KCNQ1: variants seen among roughly 807,000 people sequenced by gnomAD.
The protein encoded by KCNQ1 is potassium voltage-gated channel subfamily Q member 1.
KCNQ1 carries 49 observed loss-of-function variants against 72.4 expected under a neutral mutation model. The observed-to-expected ratio is 0.68, with a 90% confidence interval of 0.54 to 0.86. The LOEUF is 0.86. KCNQ1 is among the 40% of genes least tolerant of loss of function. The pLI is 0.00. For missense variants in KCNQ1, 790 were observed against 945.1 expected (o/e 0.84, Z 2.15); for synonymous variants, 450 against 412.6 (o/e 1.09, Z -1.10).
rs896237116 is a variant in KCNQ1 at position 2,550,583 on chromosome 11, C to G, written c.478-20045C>G. Among the ~76,000 whole-genome samples, 2 of 152,166 alleles carry G rather than the reference C, an allele frequency of 1.3e-5. No individual in the cohort carries two copies. The highest frequency in any genetic ancestry group is 2.4e-5 in the African/African-American group (1 of 41,424). On this transcript the variant is annotated intron_variant, in intron 2 of 15. Transcript: ENST00000155840. The surrounding 1 kb of genome is among the most constrained non-coding windows in gnomAD (Gnocchi z 6.0). ...CCAGGCAGGGTAGGGGAACAAATGCCAACACGTGAGCTGAGTGACCGGAAG... is the reference window on the plus strand; with the variant it reads ...CCAGGCAGGGTAGGGGAACAAATGCGAACACGTGAGCTGAGTGACCGGAAG...
chr11:2,820,399 T>C (rs1847707053), intron 15 of KCNQ1, among the ~76,000 whole-genome samples: 1 of 152,250 alleles, frequency 6.6e-6, no homozygotes, highest in Non-Finnish European at 1.5e-5. Context: ...CTATTTTACA[T>C]CAAGGTACAG....
chr11:2,840,662 CAAA>C (rs1045204047), intron 15 of KCNQ1, among the ~76,000 whole-genome samples: 1 of 151,922 alleles, frequency 6.6e-6, no homozygotes, highest in Non-Finnish European at 1.5e-5. Flanking sequence ...TGTGGCAAAA[CAAA>C]AAAATAATAA....
chr11:2,768,765 C>A lies in KCNQ1; in HGVS notation c.1515-79C>A. On this transcript the variant is annotated intron_variant, in intron 11 of 15. Transcript: ENST00000155840. The surrounding 1 kb of genome is among the most constrained non-coding windows in gnomAD (Gnocchi z 6.7). ...CTGGAAGGATCCAGTCTGCGTGCTC[C>A]TCAGGCAGTGCAGGGGCAGTGAGGG... The A allele has an allele frequency of 9.2e-7, 1 of 1,090,480 alleles. No homozygotes were observed. The highest frequency in any genetic ancestry group is 1.4e-6 in the Non-Finnish European group (1 of 702,534). The allele number at this position is 1,090,480 out of a possible 1,614,324, so 67.6% of individuals were successfully genotyped here. A position where few individuals can be genotyped will look rare whatever the true frequency, so the allele number is the denominator to read the frequency against.
intron 11 of KCNQ1, among the ~76,000 whole-genome samples, chr11:2,702,277 G>A (rs965648581): frequency 8.5e-5 from 13 of 152,294 alleles, no homozygotes; most frequent in Non-Finnish European, 1.0e-4. Context: ...TTTTTCTTTG[G>A]GCCTTTGTTA....
intron 2 of KCNQ1, among the ~76,000 whole-genome samples, chr11:2,548,129 G>T (rs1320854854): frequency 6.6e-6 from 1 of 152,170 alleles, no homozygotes; most frequent in Admixed American, 6.5e-5. Flanking sequence ...ACTGGTAGAG[G>T]CCAGGCCCAG....
rs772957172 is a variant in KCNQ1, at chr11:2,475,153, C to A, written c.386+29669C>A. Among the ~76,000 whole-genome samples the A allele has an allele frequency of 8.5e-5, 13 of 152,148 alleles. No homozygotes were observed. Among genetic ancestry groups the A allele is most frequent in the Non-Finnish European group, 1.9e-4 (13 of 68,028 alleles). On this transcript the variant is annotated intron_variant, in intron 1 of 15. Coordinates refer to ENST00000155840, the MANE Select transcript of KCNQ1 (RefSeq NM_000218.3). The surrounding 1 kb of genome is among the most constrained non-coding windows in gnomAD (Gnocchi z 5.8). ...TTAGCAGTCACCCCTTTCCCCCATG[C>A]CCCCAGCTCCTGACAACCACAAGCC...
At chr11:2,689,863 C>T (rs1850559902) in intron 11 of KCNQ1, 1 of 398,846 alleles carries the variant, frequency 2.5e-6, no homozygotes, top group Non-Finnish European at 4.4e-6. Flanking sequence ...TAGCACCCAC[C>T]CCTGCCTATC....
In KCNQ1 at chr11:2,654,558, C is replaced by T. The variant is rs1214491736; in HGVS notation, c.1394-7403C>T. 8 of 398,334 alleles carry T rather than the reference C, an allele frequency of 2.0e-5. No individual in the cohort carries two copies. Among genetic ancestry groups the T allele is most frequent in the Middle Eastern group, 6.3e-4 (1 of 1,588 alleles). The allele number at this position is 398,334 out of a possible 1,614,324, so 24.7% of individuals were successfully genotyped here. On this transcript the variant is annotated intron_variant, in intron 10 of 15. Transcript: ENST00000155840. This position sits in a 1 kb window ranked among gnomAD's most constrained non-coding sequence, Gnocchi z 6.4. Reference sequence around the variant, plus strand: ...TTGGGTTACACCTGGGAGATTAGGCCGGATTTTAATCAATCAGGAGGGGAA... The same window carrying T: ...TTGGGTTACACCTGGGAGATTAGGCTGGATTTTAATCAATCAGGAGGGGAA...
In KCNQ1 at chr11:2,498,448, C is replaced by A. The variant is rs1846956279; in HGVS notation, c.387-29480C>A. Reference sequence around the variant, plus strand: ...CTGCTTTGCTGTGCTTTGGTGAATTCTGCCCAGTCCAAGCCTCCCAGCCTC... The same window carrying A: ...CTGCTTTGCTGTGCTTTGGTGAATTATGCCCAGTCCAAGCCTCCCAGCCTC... On this transcript the variant is annotated intron_variant, in intron 1 of 15. Coordinates refer to ENST00000155840, the MANE Select transcript of KCNQ1 (RefSeq NM_000218.3). This position sits in a 1 kb window ranked among gnomAD's most constrained non-coding sequence, Gnocchi z 4.8. Among the ~76,000 whole-genome samples, 1 of 152,230 alleles carries A rather than the reference C, an allele frequency of 6.6e-6. No homozygotes were observed. Among genetic ancestry groups the A allele is most frequent in the South Asian group, 2.1e-4 (1 of 4,830 alleles).
chr11:2,680,753 C>T (rs905471991), intron 11 of KCNQ1: 1 of 284,174 alleles, frequency 3.5e-6, no homozygotes, highest in Non-Finnish European at 6.5e-6. Flanking sequence ...TAGCCCCTGA[C>T]AACTACTAAC....
rs1469828657 is a variant in KCNQ1 at position 2,451,151 on chromosome 11, C to G, written c.386+5667C>G. Reference sequence around the variant, plus strand: ...CCGTTCCCCGTAGAGCAGCAGTCCCCAACCTTTTTAGTACCAGAGACCTGT... The same window carrying G: ...CCGTTCCCCGTAGAGCAGCAGTCCCGAACCTTTTTAGTACCAGAGACCTGT... On this transcript the variant is annotated intron_variant, in intron 1 of 15. Transcript: ENST00000155840. This position sits in a 1 kb window ranked among gnomAD's most constrained non-coding sequence, Gnocchi z 6.4. 6.6e-6 allele frequency among the ~76,000 whole-genome samples: 1 copy of G among 152,170 alleles called. No individual in the cohort carries two copies. Among genetic ancestry groups the G allele is most frequent in the Non-Finnish European group, 1.5e-5 (1 of 68,038 alleles).
chr11:2,503,547 G>C (rs1589916381), intron 1 of KCNQ1, among the ~76,000 whole-genome samples: 1 of 149,982 alleles, frequency 6.7e-6, no homozygotes, highest in African/African-American at 2.5e-5. Context: ...TGTGGGGTTG[G>C]GGGGAGGGGG....
rs967545794 is a variant in KCNQ1 at position 2,735,965 on chromosome 11, G to A, written c.1515-32879G>A. On this transcript the variant is annotated intron_variant, in intron 11 of 15. Coordinates refer to ENST00000155840, the MANE Select transcript of KCNQ1 (RefSeq NM_000218.3). This position sits in a 1 kb window ranked among gnomAD's most constrained non-coding sequence, Gnocchi z 7.7. ...GAGGAGGTGGGTGAGAGGACCCCAC[G>A]CCCTTCCTCCAGTGTGTCTGGAGCC... Among the ~76,000 whole-genome samples, 3 of 152,178 alleles carry A rather than the reference G, an allele frequency of 2.0e-5. No homozygotes were observed. The highest frequency in any genetic ancestry group is 6.5e-5 in the Admixed American group (1 of 15,294).
chr11:2,476,789 C>T (rs1489292456), intron 1 of KCNQ1, among the ~76,000 whole-genome samples: 1 of 152,122 alleles, frequency 6.6e-6, no homozygotes, highest in Admixed American at 6.5e-5. Context: ...CGGGTTCAAG[C>T]GCTCCTCCCC....
intron 10 of KCNQ1, chr11:2,631,454 A>T: frequency 2.5e-6 from 1 of 396,978 alleles, no homozygotes; most frequent in Non-Finnish European, 4.4e-6. Context: ...CTATTTCTTT[A>T]TTGAATGTCT....
rs551565266 is a variant in KCNQ1, at chr11:2,711,024, A to G, written c.1514+48943A>G. Reference sequence around the variant, plus strand: ...AATTTCTGCAAAGAAACCATCTGGGATACCAATAGGGATTGCATTGAATCT... The same window carrying G: ...AATTTCTGCAAAGAAACCATCTGGGGTACCAATAGGGATTGCATTGAATCT... On this transcript the variant is annotated intron_variant, in intron 11 of 15. Transcript: ENST00000155840. The surrounding 1 kb of genome is among the most constrained non-coding windows in gnomAD (Gnocchi z 5.4). 1.8e-3 allele frequency among the ~76,000 whole-genome samples: 279 copies of G among 152,366 alleles called. No individual in the cohort carries two copies. The highest frequency in any genetic ancestry group is 2.4e-3 in the Non-Finnish European group (162 of 68,040).
chr11:2,573,103 C>T (rs930906455), intron 6 of KCNQ1, 117 bp downstream of exon 6: 54 of 1,211,796 alleles, frequency 4.5e-5, no homozygotes, highest in Non-Finnish European at 5.6e-5. Context: ...CTCACCTGCA[C>T]GCTCACAGGC....
Position 2,715,286 on chromosome 11 carries a change from G to A in KCNQ1, c.1514+53205G>A, listed in dbSNP as rs1851073886. 6.6e-6 allele frequency among the ~76,000 whole-genome samples: 1 copy of A among 152,118 alleles called. No homozygotes were observed. The highest frequency in any genetic ancestry group is 1.5e-5 in the Non-Finnish European group (1 of 68,018). On this transcript the variant is annotated intron_variant, in intron 11 of 15. Transcript: ENST00000155840. This position sits in a 1 kb window ranked among gnomAD's most constrained non-coding sequence, Gnocchi z 4.9. ...TCTGTCTGACTCTCTGCTCTCTGGA[G>A]AGCTCAAGGGAACCTGTAAAGACCT... is the stretch of plus-strand genomic sequence containing the variant.
chr11:2,700,663 AG>A (rs1850791684), intron 11 of KCNQ1, among the ~76,000 whole-genome samples: 1 of 152,032 alleles, frequency 6.6e-6, no homozygotes, highest in South Asian at 2.1e-4. Context: ...TTGGGACCTC[AG>A]GGGGTGAGTG....
Sources: gnomAD v4.1 joint callset for allele counts (sites outside exome capture counted in the v4.1 genomes callset) on GRCh38, gnomAD v4.1.1 for gene constraint, Gnocchi (gnomAD v3.1) non-coding constraint, MANE v1.5 for transcripts, NCBI Gene and HGNC (gene_info 2026-07-23, HGNC 2026-07-21) for gene names.